TP53BP1: variants seen among roughly 807,000 people sequenced by gnomAD.
The protein encoded by TP53BP1 is tumor protein p53 binding protein 1, also known as TP53-binding protein 1.
A neutral mutation model predicts 200.8 loss-of-function variants in TP53BP1; 61 were observed. That is an observed-to-expected ratio of 0.30 (90% CI 0.25 to 0.38). TP53BP1 has a LOEUF of 0.38. TP53BP1 is among the 10% of genes least tolerant of loss of function. TP53BP1 has a pLI of 1.00. For synonymous variants in TP53BP1, 822 were observed against 844.3 expected (o/e 0.97, Z 0.46); for missense variants, 2,144 against 2,371.9 (o/e 0.90, Z 2.00).
At chr15:43,446,972 T>G (rs2046056306) in intron 13 of TP53BP1, 1 of 533,080 alleles carries the variant, frequency 1.9e-6, no homozygotes, top group African/African-American at 1.9e-5. Context: ...GGAAGGAGGA[T>G]CTAAGTTTTC....
rs879014783 is a variant in TP53BP1, at chr15:43,492,217, A to T, written c.192+67T>A. The T allele has an allele frequency of 3.8e-5, 58 of 1,522,990 alleles. 1 individual carries two copies. The South Asian group carries it at 6.6e-4, about 17-fold the overall frequency. 94.3% of individuals were successfully genotyped at this position (1,522,990 alleles called of 1,614,324 possible). ...GAAGGTAATGATCTTCTAAATACTT[A>T]TGTTTGCTGGTTTTCGGTTTAAAAA... On this transcript the variant is annotated intron_variant, in intron 2 of 27. Coordinates refer to ENST00000382044, the MANE Select transcript of TP53BP1 (RefSeq NM_001141980.3).
At chr15:43,458,348 C>T (rs2046349539) in intron 11 of TP53BP1, among the ~76,000 whole-genome samples, 1 of 151,652 alleles carries the variant, frequency 6.6e-6, no homozygotes, top group Non-Finnish European at 1.5e-5. Context: ...AGGAGAATCA[C>T]TTGAACCCAG....
intron 11 of TP53BP1, among the ~76,000 whole-genome samples, chr15:43,466,279 G>A (rs1294982206): frequency 2.0e-5 from 3 of 152,118 alleles, no homozygotes. Flanking sequence ...GTCCAAAAGA[G>A]GTTTCTCCAA....
Position 43,420,480 on chromosome 15 carries a change from G to A in TP53BP1, c.4506C>T (p.Ser1502=), listed in dbSNP as rs61757240. 1.6e-4 allele frequency: 260 copies of A among 1,614,164 alleles called. No homozygotes were observed. The African/African-American group carries it at 2.9e-3, about 18-fold the overall frequency. The change falls in exon 21 of 28, where the codon TCC becomes TCT. Residue 1502 remains serine, a synonymous_variant. Transcript: ENST00000382044. Reference sequence around the variant, plus strand: ...TTTTCCCAGAGTAAAAGTAGCCATTGGATGACCACTTGGCTACAACACGGA... The same window carrying A: ...TTTTCCCAGAGTAAAAGTAGCCATTAGATGACCACTTGGCTACAACACGGA... ...VGLRVVAKWS[S]NGYFYSGKIT... is the part of the protein sequence containing the mutation.
At chr15:43,482,706 T>A (rs1170768303) in intron 4 of TP53BP1, among the ~76,000 whole-genome samples, 3 of 151,966 alleles carry the variant, frequency 2.0e-5, no homozygotes, top group Admixed American at 6.6e-5. Context: ...AATCGGAGGT[T>A]GCAGTGAGCC....
Position 43,493,033 on chromosome 15 carries a change from G to C in TP53BP1, c.7+4C>G. 1 of 1,612,710 alleles carries C rather than the reference G, an allele frequency of 6.2e-7. No individual in the cohort carries two copies. The highest frequency in any genetic ancestry group is 8.5e-7 in the Non-Finnish European group (1 of 1,179,532). ...CTGCACTCCCATTTCTCTCCAAACAGTACCAGGCATCCCGGCGGGAGGTCC... is the reference window on the plus strand; with the variant it reads ...CTGCACTCCCATTTCTCTCCAAACACTACCAGGCATCCCGGCGGGAGGTCC... On this transcript the variant is annotated splice_donor_region_variant and intron_variant, in intron 1 of 27. Coordinates refer to ENST00000382044, the MANE Select transcript of TP53BP1 (RefSeq NM_001141980.3).
intron 21 of TP53BP1, 43 bp downstream of exon 21, chr15:43,420,262 C>G (rs546733631): frequency 6.3e-7 from 1 of 1,575,506 alleles, no homozygotes; most frequent in East Asian, 2.2e-5. Context: ...ATTATTGCCC[C>G]AAGGCACAAA....
chr15:43,474,395 C>T (rs966547911), intron 10 of TP53BP1, among the ~76,000 whole-genome samples: 6 of 143,482 alleles, frequency 4.2e-5, no homozygotes, highest in Admixed American at 3.6e-4. Context: ...GAGGAGGCGC[C>T]GAGAGCGAGC....
At chr15:43,430,243 G>A (rs1426142987) in intron 17 of TP53BP1, among the ~76,000 whole-genome samples, 1 of 152,120 alleles carries the variant, frequency 6.6e-6, no homozygotes. Flanking sequence ...GGCTGCCTAT[G>A]CTTTTCCACT....
chr15:43,454,591 G>T (rs8036673), intron 12 of TP53BP1, among the ~76,000 whole-genome samples: 1 of 152,110 alleles, frequency 6.6e-6, no homozygotes, highest in South Asian at 2.1e-4. Flanking sequence ...TCAAACTTCC[G>T]ACCTCAGGCG....
At position 43,405,035 on chromosome 15, in the gene TP53BP1, T is replaced by C; in HGVS notation, c.*2348A>G. Reference sequence around the variant, plus strand: ...ACTTCATTGTCCTTTCTCTCTAAAATGTCTGCAAGCAGATTTTTTTCTAAG... The same window carrying C: ...ACTTCATTGTCCTTTCTCTCTAAAACGTCTGCAAGCAGATTTTTTTCTAAG... On this transcript the variant is annotated 3_prime_UTR_variant, in exon 28 of 28. Coordinates refer to ENST00000382044, the MANE Select transcript of TP53BP1 (RefSeq NM_001141980.3). 1 of 706,738 alleles carries C rather than the reference T, an allele frequency of 1.4e-6. No homozygotes were observed. The highest frequency in any genetic ancestry group is 2.3e-6 in the Non-Finnish European group (1 of 427,240). 43.8% of individuals were successfully genotyped at this position (706,738 alleles called of 1,614,324 possible).
intron 1 of TP53BP1, among the ~76,000 whole-genome samples, chr15:43,508,391 C>T (rs1006973417): frequency 6.6e-6 from 1 of 152,146 alleles, no homozygotes; most frequent in African/African-American, 2.4e-5. Context: ...GGAACAGTGG[C>T]TCACGCTTGT....
At chr15:43,473,418 A>G (rs975109741) in intron 10 of TP53BP1, among the ~76,000 whole-genome samples, 9 of 151,914 alleles carry the variant, frequency 5.9e-5, no homozygotes, top group Non-Finnish European at 1.2e-4. Context: ...TCCCCACCAG[A>G]TTAGCTAGAT....
chr15:43,493,165 C>T, upstream of TP53BP1: 1 of 1,541,822 alleles, frequency 6.5e-7, no homozygotes, highest in Non-Finnish European at 8.7e-7. Context: ...TCCCCCTTTC[C>T]CGTCACGTCA....
intron 17 of TP53BP1, among the ~76,000 whole-genome samples, chr15:43,431,441 C>T (rs2045668843): frequency 6.6e-6 from 1 of 152,118 alleles, no homozygotes; most frequent in African/African-American, 2.4e-5. Flanking sequence ...GACAAGGTCT[C>T]ACTATGTTGC....
chr15:43,494,562 T>C (rs1278058561), upstream of TP53BP1, among the ~76,000 whole-genome samples: 1 of 152,190 alleles, frequency 6.6e-6, no homozygotes, highest in Non-Finnish European at 1.5e-5. Flanking sequence ...CAGAGATGCA[T>C]CTCACTTCTT....
rs139247692 is a variant in TP53BP1 at position 43,492,927 on chromosome 15, C to T, written c.7+110G>A. On this transcript the variant is annotated intron_variant, in intron 1 of 27. Coordinates refer to ENST00000382044, the MANE Select transcript of TP53BP1 (RefSeq NM_001141980.3). Reference sequence around the variant, plus strand: ...CCTTAGGGCCCTCCAACCCCTTCCCCGTCACCGCCGCCATGCTTGCCACCC... The same window carrying T: ...CCTTAGGGCCCTCCAACCCCTTCCCTGTCACCGCCGCCATGCTTGCCACCC... 6.1e-4 allele frequency: 862 copies of T among 1,409,186 alleles called. 17 individuals carry two copies. The East Asian group carries it at 0.021, about 34-fold the overall frequency. The allele number at this position is 1,409,186 out of a possible 1,614,324, so 87.3% of individuals were successfully genotyped here.
Position 43,403,886 on chromosome 15 carries a change from G to A in TP53BP1, c.*3497C>T. 3.3e-6 allele frequency: 3 copies of A among 921,458 alleles called. No individual in the cohort carries two copies. In the East Asian group the frequency reaches 7.2e-5, roughly 22 times the overall value. The allele number at this position is 921,458 out of a possible 1,614,324, so 57.1% of individuals were successfully genotyped here. A position where few individuals can be genotyped will look rare whatever the true frequency, so the allele number is the denominator to read the frequency against. On this transcript the variant is annotated 3_prime_UTR_variant, in exon 28 of 28. Transcript: ENST00000382044. ...AATTCATGATCTTTCCTCTGAGTCA[G>A]TAAAGCATTTCCTCAATACACACAC...
At chr15:43,508,285 G>A (rs937351318) in intron 1 of TP53BP1, among the ~76,000 whole-genome samples, 4 of 152,216 alleles carry the variant, frequency 2.6e-5, no homozygotes, top group Admixed American at 1.3e-4. Context: ...GCTTGAACCC[G>A]GGAGGCAGAG....
Sources: allele counts gnomAD v4.1 joint callset (sites outside exome capture counted in the v4.1 genomes callset), GRCh38; gene constraint gnomAD v4.1.1; transcripts MANE v1.5; gene names NCBI Gene and HGNC (gene_info 2026-07-23, HGNC 2026-07-21).